The following LRP1B variants were observed in gnomAD, a reference collection of about 807,000 sequenced individuals.
LRP1B encodes LDL receptor related protein 1B.
In LRP1B, 217 loss-of-function variants were observed where a neutral mutation model predicts 556.6. That is an observed-to-expected ratio of 0.39 (90% CI 0.35 to 0.44). The LOEUF (loss-of-function observed/expected upper bound fraction) is 0.44. Ranked by LOEUF, LRP1B falls within the 20% of genes least tolerant of loss-of-function variation. LRP1B has a pLI of 1.00. For synonymous variants in LRP1B, 2,047 were observed against 1,865.8 expected, an observed-to-expected ratio of 1.10 and a Z score of -2.50; for missense variants, 5,053 against 5,620.8, an observed-to-expected ratio of 0.90 and a Z score of 3.23.
At chr2:140,885,441 C>A (rs1693606510) in intron 24 of LRP1B, among the ~76,000 whole-genome samples, 1 of 151,576 alleles carries the variant, frequency 6.6e-6, no homozygotes, top group Admixed American at 6.6e-5. Context: ...ACCTCCGCCT[C>A]CCAGGTTCAC....
At chr2:140,557,144 C>T (rs1257235871) in intron 43 of LRP1B, among the ~76,000 whole-genome samples, 1 of 152,084 alleles carries the variant, frequency 6.6e-6, no homozygotes, top group Non-Finnish European at 1.5e-5. Context: ...AGTTTTAATT[C>T]ATTTTTAACA....
intron 3 of LRP1B, among the ~76,000 whole-genome samples, chr2:141,290,663 C>A (rs1364846486): frequency 6.6e-6 from 1 of 152,014 alleles, no homozygotes; most frequent in Non-Finnish European, 1.5e-5. Flanking sequence ...AAATATTAAG[C>A]ATGTATCAAT....
intron 3 of LRP1B, among the ~76,000 whole-genome samples, chr2:141,379,898 G>C (rs114860451): frequency 6.6e-6 from 1 of 152,110 alleles, no homozygotes; most frequent in Non-Finnish European, 1.5e-5. Context: ...CCAATTCTCA[G>C]CTTTTTCAGC....
chr2:141,595,483 T>C (rs569447618), intron 2 of LRP1B, among the ~76,000 whole-genome samples: 2 of 152,204 alleles, frequency 1.3e-5, no homozygotes, highest in Admixed American at 1.3e-4. Flanking sequence ...AGATTTTTTA[T>C]TGAAGTGTTA....
intron 22 of LRP1B, among the ~76,000 whole-genome samples, chr2:140,906,301 C>T (rs1454871729): frequency 6.6e-6 from 1 of 152,066 alleles, no homozygotes; most frequent in Non-Finnish European, 1.5e-5. Flanking sequence ...CTTTTCAATT[C>T]TGAAGTAGAC....
At chr2:141,795,965 C>G (rs2105674210) in intron 2 of LRP1B, among the ~76,000 whole-genome samples, 1 of 146,016 alleles carries the variant, frequency 6.8e-6, no homozygotes, top group East Asian at 2.0e-4. Context: ...ATGCAACTCA[C>G]AGTGGGTTGC....
intron 27 of LRP1B, among the ~76,000 whole-genome samples, chr2:140,853,882 A>G (rs966561625): frequency 6.6e-6 from 1 of 152,004 alleles, no homozygotes; most frequent in Admixed American, 6.6e-5. Context: ...ATAATAATTG[A>G]AGTCCCTAAG....
intron 75 of LRP1B, among the ~76,000 whole-genome samples, chr2:140,353,509 A>T (rs1250415070): frequency 6.6e-6 from 1 of 152,010 alleles, no homozygotes; most frequent in East Asian, 1.9e-4. Context: ...GTTTCTGATG[A>T]CCTACCTCCA....
chr2:142,126,956 T>C lies in LRP1B; in HGVS notation c.82+3692A>G, dbSNP rs139228156. 1.9e-4 allele frequency among the ~76,000 whole-genome samples: 29 copies of C among 151,972 alleles called. No individual in the cohort carries two copies. The East Asian group carries it at 2.7e-3, about 14-fold the overall frequency. ...CAAGAAACTAATGTCCTGGATCCAA[T>C]AGATTTGCAAACTAAGTATTTCTGC... On this transcript the variant is annotated intron_variant, in intron 1 of 90. Transcript: ENST00000389484.
chr2:141,653,442 T>A (rs1198656151), intron 2 of LRP1B, among the ~76,000 whole-genome samples: 1 of 152,168 alleles, frequency 6.6e-6, no homozygotes, highest in Non-Finnish European at 1.5e-5. Flanking sequence ...AACTCTAATA[T>A]GAATTCTGCA....
intron 47 of LRP1B, among the ~76,000 whole-genome samples, chr2:140,528,784 A>C (rs1223106013): frequency 6.6e-6 from 1 of 151,986 alleles, no homozygotes; most frequent in Non-Finnish European, 1.5e-5. Flanking sequence ...AGGAAAAAAA[A>C]AATCTACAGA....
intron 1 of LRP1B, among the ~76,000 whole-genome samples, chr2:141,859,107 G>A (rs1698160045): frequency 6.6e-6 from 1 of 152,072 alleles, no homozygotes; most frequent in Admixed American, 6.6e-5. Context: ...TCATAACCTT[G>A]AGCTTACTAA....
intron 1 of LRP1B, among the ~76,000 whole-genome samples, chr2:141,902,617 A>C (rs920113194): frequency 2.0e-5 from 3 of 152,012 alleles, no homozygotes; most frequent in Non-Finnish European, 4.4e-5. Context: ...TGTCTAATGA[A>C]GGAACATATA....
chr2:141,568,848 G>C (rs940872545), intron 2 of LRP1B, among the ~76,000 whole-genome samples: 1 of 151,020 alleles, frequency 6.6e-6, no homozygotes, highest in African/African-American at 2.4e-5. Context: ...CCACCTCCTG[G>C]GTTCAAGCAA....
At chr2:141,133,412 G>A (rs546056744) in intron 7 of LRP1B, among the ~76,000 whole-genome samples, 5 of 151,246 alleles carry the variant, frequency 3.3e-5, no homozygotes, top group South Asian at 4.2e-4. Flanking sequence ...AACTTGCAAC[G>A]GACATTAAGA....
At chr2:140,660,534 C>T (rs1301774477) in intron 41 of LRP1B, among the ~76,000 whole-genome samples, 1 of 152,030 alleles carries the variant, frequency 6.6e-6, no homozygotes, top group Non-Finnish European at 1.5e-5. Flanking sequence ...ATTTTTCTTC[C>T]AAAGAGCTCC....
At chr2:140,948,567 A>G (rs1695611260) in intron 20 of LRP1B, among the ~76,000 whole-genome samples, 1 of 152,210 alleles carries the variant, frequency 6.6e-6, no homozygotes, top group African/African-American at 2.4e-5. Flanking sequence ...AGCTTTATTG[A>G]TAATGCATTC....
At chr2:140,254,335 A>G (rs973509179) in intron 86 of LRP1B, among the ~76,000 whole-genome samples, 6 of 152,152 alleles carry the variant, frequency 3.9e-5, no homozygotes, top group Admixed American at 6.5e-5. Flanking sequence ...TTAGTGCAAA[A>G]TGTAACTCTG....
intron 2 of LRP1B, among the ~76,000 whole-genome samples, chr2:141,519,014 C>G (rs1274469645): frequency 7.9e-6 from 1 of 126,758 alleles, no homozygotes; most frequent in Non-Finnish European, 1.6e-5. Context: ...ATTTCCATTG[C>G]AAACAAGACT....
Sources: gnomAD v4.1 joint callset for allele counts (sites outside exome capture counted in the v4.1 genomes callset) on GRCh38, gnomAD v4.1.1 for gene constraint, MANE v1.5 for transcripts, NCBI Gene and HGNC (gene_info 2026-07-23, HGNC 2026-07-21) for gene names.